Variants in CCDC141 observed in about 807,000 individuals in gnomAD.
CCDC141 encodes the protein coiled-coil domain-containing protein 141.
A neutral mutation model predicts 181.0 loss-of-function variants in CCDC141; 168 were observed. The observed-to-expected ratio is 0.93, with a 90% confidence interval of 0.82 to 1.05. CCDC141 has a LOEUF of 1.05. CCDC141 is among the 50% of genes least tolerant of loss of function. CCDC141 has a pLI of 0.00. For missense variants in CCDC141, 1,902 were observed against 1,788.5 expected (o/e 1.06, Z -1.14); for synonymous variants, 666 against 642.3 (o/e 1.04, Z -0.56).
At chr2:178,864,564 C>A (rs1292200447) in intron 17 of CCDC141, among the ~76,000 whole-genome samples, 3 of 152,184 alleles carry the variant, frequency 2.0e-5, no homozygotes, top group Non-Finnish European at 4.4e-5. Context: ...AAATGAACAT[C>A]ATTATCAGAT....
chr2:178,985,013 A>G (rs923677339), intron 2 of CCDC141, among the ~76,000 whole-genome samples: 163 of 151,122 alleles, frequency 1.1e-3, no homozygotes, highest in African/African-American at 3.9e-3. Context: ...TAGAATATAC[A>G]TTTTTTTCAG....
intron 11 of CCDC141, 41 bp downstream of exon 11, chr2:178,884,860 G>A (rs758703322): frequency 5.3e-5 from 79 of 1,492,346 alleles, no homozygotes; most frequent in Non-Finnish European, 6.7e-5. Flanking sequence ...GACATGGGCA[G>A]TGGCCACCTT....
intron 5 of CCDC141, among the ~76,000 whole-genome samples, chr2:178,952,369 AT>A (rs1689984764): frequency 6.6e-6 from 1 of 152,242 alleles, no homozygotes; most frequent in Admixed American, 6.5e-5. Flanking sequence ...GCATTTTAAA[AT>A]ATATAATATT....
intron 1 of CCDC141, 56 bp from the exon 2 acceptor site, chr2:179,047,462 C>A: frequency 7.4e-7 from 1 of 1,352,432 alleles, no homozygotes; most frequent in Non-Finnish European, 9.7e-7. Flanking sequence ...CCTTCCTCTT[C>A]ACCCTTCTCA....
chr2:179,019,548 A>G (rs1484951523), intron 2 of CCDC141, among the ~76,000 whole-genome samples: 1 of 152,050 alleles, frequency 6.6e-6, no homozygotes, highest in Non-Finnish European at 1.5e-5. Flanking sequence ...AGAAAAATCT[A>G]CTCATAAACC....
rs1217976553 is a variant in CCDC141, at chr2:179,015,615, G to T, written c.225+31669C>A. Among the ~76,000 whole-genome samples the T allele has an allele frequency of 6.8e-3, 152 of 22,492 alleles. 2 individuals are homozygous for T. Among genetic ancestry groups the T allele is most frequent in the Admixed American group, 0.012 (20 of 1,732 alleles). 14.8% of individuals were successfully genotyped at this position (22,492 alleles called of 152,430 possible). A position where few individuals can be genotyped will look rare whatever the true frequency, so the allele number is the denominator to read the frequency against. ...ATATGTATCTCATATATCTCATATA[G>T]CTCATATATATCTCACATATATCTC... is the stretch of plus-strand genomic sequence containing the variant. On this transcript the variant is annotated intron_variant, in intron 2 of 23. Transcript: ENST00000443758.
the CCDC141 span, among the ~76,000 whole-genome samples, chr2:178,815,320 G>T: frequency 0.02 from 3,078 of 152,256 alleles, 69 homozygotes; most frequent in East Asian, 0.11. Flanking sequence ...AGGCTGGAGA[G>T]GACAGGACTT....
intron 2 of CCDC141, among the ~76,000 whole-genome samples, chr2:178,988,111 C>T (rs1386619505): frequency 6.6e-6 from 1 of 152,078 alleles, no homozygotes; most frequent in East Asian, 1.9e-4. Context: ...AAATGTGGCA[C>T]ATATACACCA....
chr2:179,013,731 G>T (rs751453721), intron 2 of CCDC141, among the ~76,000 whole-genome samples: 23 of 152,054 alleles, frequency 1.5e-4, no homozygotes, highest in Middle Eastern at 6.8e-3. Context: ...ACTTTGGGAG[G>T]CCGAGGCAGG....
At chr2:178,982,204 T>A (rs1396864005) in intron 2 of CCDC141, among the ~76,000 whole-genome samples, 1 of 152,210 alleles carries the variant, frequency 6.6e-6, no homozygotes, top group Non-Finnish European at 1.5e-5. Context: ...TGGTGAATTC[T>A]ACCAAATGTT....
chr2:178,962,908 A>T (rs1168583742), intron 4 of CCDC141, among the ~76,000 whole-genome samples: 2 of 151,484 alleles, frequency 1.3e-5, no homozygotes, highest in Non-Finnish European at 2.9e-5. Flanking sequence ...CATCCTCAAC[A>T]CCCTCCTTCG....
Position 178,850,180 on chromosome 2 carries a change from A to G in CCDC141, c.3245-19T>C. ...TCCAAACCTGGGGAGGAGAAGGATG[A>G]AACTAGTTTTAAAGGTCAAATTTTT... On this transcript the variant is annotated intron_variant, in intron 20 of 23. Transcript: ENST00000443758. 7.2e-7 allele frequency: 1 copy of G among 1,392,608 alleles called. No individual in the cohort carries two copies. The highest frequency in any genetic ancestry group is 2.3e-5 in the East Asian group (1 of 43,636). The allele number at this position is 1,392,608 out of a possible 1,614,324, so 86.3% of individuals were successfully genotyped here.
At position 178,868,030 on chromosome 2, in the gene CCDC141, C is replaced by T. The variant is rs767841718; in HGVS notation, c.2570G>A (p.Arg857Gln). The T allele has an allele frequency of 7.4e-6, 12 of 1,612,238 alleles. No homozygotes were observed. Among genetic ancestry groups the T allele is most frequent in the South Asian group, 2.2e-5 (2 of 90,984 alleles). The change falls in exon 16 of 24, where the codon CGG becomes CAG. Residue 857 changes from arginine (R) to glutamine (Q), a missense_variant. Arg to Gln is a conservative substitution (Grantham distance 43). Transcript: ENST00000443758. ...LGVDIISSVQ[R>Q]PHCSNVSAKN... Reference sequence around the variant, plus strand: ...ATAGTGTTATTAGATGCTTACAGGCCGCTGCACTGATGAGATGATGTCGAC... The same window carrying T: ...ATAGTGTTATTAGATGCTTACAGGCTGCTGCACTGATGAGATGATGTCGAC...
chr2:178,995,057 C>T (rs185039973), intron 2 of CCDC141, among the ~76,000 whole-genome samples: 178 of 152,298 alleles, frequency 1.2e-3, no homozygotes, highest in African/African-American at 4.0e-3. Flanking sequence ...GCCCTCCAAA[C>T]GGTTCCAACC....
chr2:178,867,897 T>A, intron 16 of CCDC141, 129 bp downstream of exon 16: 1 of 714,634 alleles, frequency 1.4e-6, no homozygotes, highest in South Asian at 3.7e-5. Context: ...GAATCACAAA[T>A]AACTACCCCA....
At chr2:178,990,101 T>G (rs1465160932) in intron 2 of CCDC141, among the ~76,000 whole-genome samples, 2 of 146,276 alleles carry the variant, frequency 1.4e-5, no homozygotes, top group East Asian at 4.0e-4. Context: ...ATTGCACCGT[T>G]GCACTCAAGG....
At chr2:179,020,021 G>C (rs1229047437) in intron 2 of CCDC141, among the ~76,000 whole-genome samples, 1 of 152,082 alleles carries the variant, frequency 6.6e-6, no homozygotes, top group East Asian at 1.9e-4. Flanking sequence ...CTACCAAAGT[G>C]CTAGGATTAC....
rs993051795 is a variant in CCDC141 at position 178,964,629 on chromosome 2, G to A, written c.527-3146C>T. ...CTGCTACCACGATGGCTGTTGAGGT[G>A]GATGGATTCTCCCCTCAGTTTCCTC... On this transcript the variant is annotated intron_variant, in intron 4 of 23. Transcript: ENST00000443758. 2.6e-5 allele frequency among the ~76,000 whole-genome samples: 4 copies of A among 152,128 alleles called. 1 individual carries two copies. Among genetic ancestry groups the A allele is most frequent in the South Asian group, 2.1e-4 (1 of 4,822 alleles).
chr2:179,006,703 C>T lies in CCDC141; in HGVS notation c.226-28028G>A, dbSNP rs911687925. ...GGCGAGAGACATATAATATCTAAGACGTTATTGAAATACAAGAATAAAACC... is the reference window on the plus strand; with the variant it reads ...GGCGAGAGACATATAATATCTAAGATGTTATTGAAATACAAGAATAAAACC... On this transcript the variant is annotated intron_variant, in intron 2 of 23. Coordinates refer to ENST00000443758, the MANE Select transcript of CCDC141 (RefSeq NM_173648.4). Among the ~76,000 whole-genome samples the T allele has an allele frequency of 8.5e-5, 13 of 152,174 alleles. 1 individual carries two copies. The highest frequency in any genetic ancestry group is 3.4e-3 in the Middle Eastern group (1 of 292).
Sources: gnomAD v4.1 joint callset for allele counts (sites outside exome capture counted in the v4.1 genomes callset) on GRCh38, gnomAD v4.1.1 for gene constraint, MANE v1.5 for transcripts, NCBI Gene and HGNC (gene_info 2026-07-23, HGNC 2026-07-21) for gene names.